EXOSC8: variants seen among roughly 807,000 people sequenced by gnomAD.
EXOSC8 encodes the protein exosome component 8.
In EXOSC8, 37 loss-of-function variants were observed where a neutral mutation model predicts 39.9. That is an observed-to-expected ratio of 0.93 (90% CI 0.71 to 1.22). The LOEUF is 1.22. Among genes scored for constraint, EXOSC8 ranks in the 50% most tolerant of loss-of-function variants. The pLI is 0.00. For missense variants in EXOSC8, 313 were observed against 326.6 expected (o/e 0.96, Z 0.32); for synonymous variants, 93 against 109.5 (o/e 0.85, Z 0.94).
intron 9 of EXOSC8, among the ~76,000 whole-genome samples, chr13:37,008,513 T>C (rs1222820649): frequency 6.6e-6 from 1 of 152,186 alleles, no homozygotes; most frequent in Admixed American, 6.5e-5. Context: ...CCCAGCACTT[T>C]GGGAGGCTGA....
chr13:37,002,567 C>A lies in EXOSC8; in HGVS notation c.118+16C>A. 6.5e-7 allele frequency: 1 copy of A among 1,533,184 alleles called. No homozygotes were observed. The highest frequency in any genetic ancestry group is 8.9e-7 in the Non-Finnish European group (1 of 1,125,088). 95.0% of individuals were successfully genotyped at this position (1,533,184 alleles called of 1,614,324 possible). Reference sequence around the variant, plus strand: ...GTCAACATCGGTAAGGATGTATTTTCCACTTTCAACTGTATGATATTCCCA... The same window carrying A: ...GTCAACATCGGTAAGGATGTATTTTACACTTTCAACTGTATGATATTCCCA... On this transcript the variant is annotated intron_variant, in intron 3 of 10. Coordinates refer to ENST00000389704, the MANE Select transcript of EXOSC8 (RefSeq NM_181503.3).
Position 37,009,379 on chromosome 13 carries a change from T to C in EXOSC8, c.*80T>C. On this transcript the variant is annotated 3_prime_UTR_variant, in exon 11 of 11. Transcript: ENST00000389704. ...GCACAAACGTTTTATACTAAATAAA[T>C]ATCAAACTACATTCTTCTGAAAGAT... The C allele has an allele frequency of 1.2e-6, 1 of 803,872 alleles. No individual in the cohort carries two copies. Among genetic ancestry groups the C allele is most frequent in the Non-Finnish European group, 2.0e-6 (1 of 491,582 alleles). 49.8% of individuals were successfully genotyped at this position (803,872 alleles called of 1,614,324 possible).
chr13:37,008,281 T>C, intron 9 of EXOSC8, 104 bp downstream of exon 9: 1 of 921,154 alleles, frequency 1.1e-6, no homozygotes, highest in African/African-American at 1.7e-5. Context: ...CCCTACATCC[T>C]AGTTTTCCCT....
At chr13:37,004,392 G>T (rs1191502535) in intron 4 of EXOSC8, 124 bp from the exon 5 acceptor site, 2 of 664,452 alleles carry the variant, frequency 3.0e-6, no homozygotes, top group Non-Finnish European at 5.3e-6. Flanking sequence ...ACCAATGTCC[G>T]TAGAGGCCCT....
intron 3 of EXOSC8, among the ~76,000 whole-genome samples, 153 bp from the exon 4 acceptor site, chr13:37,002,781 T>A (rs181023796): frequency 5.3e-5 from 8 of 152,334 alleles, no homozygotes; most frequent in African/African-American, 1.4e-4. Context: ...TATGTAAAAA[T>A]CAATTATTCT....
At chr13:37,001,037 AG>A (rs1326310913) in intron 1 of EXOSC8, among the ~76,000 whole-genome samples, 1 of 152,198 alleles carries the variant, frequency 6.6e-6, no homozygotes, top group African/African-American at 2.4e-5. Flanking sequence ...AGGACTCTGT[AG>A]AGTTCCATAC....
rs1384625065 is a variant in EXOSC8 at position 37,009,450 on chromosome 13, G to C, written c.*151G>C. On this transcript the variant is annotated 3_prime_UTR_variant, in exon 11 of 11. Transcript: ENST00000389704. ...CACTTCCATATATATTATGTATAGTGAAACCATTTTTAAAAAGCAATGACT... is the reference window on the plus strand; with the variant it reads ...CACTTCCATATATATTATGTATAGTCAAACCATTTTTAAAAAGCAATGACT... The C allele has an allele frequency of 1.4e-6, 1 of 738,856 alleles. No homozygotes were observed. Among genetic ancestry groups the C allele is most frequent in the Non-Finnish European group, 2.2e-6 (1 of 450,352 alleles). The allele number at this position is 738,856 out of a possible 1,614,324, so 45.8% of individuals were successfully genotyped here. A position where few individuals can be genotyped will look rare whatever the true frequency, so the allele number is the denominator to read the frequency against.
At chr13:37,004,156 G>A in intron 4 of EXOSC8, 1 of 168,408 alleles carries the variant, frequency 5.9e-6, no homozygotes, top group South Asian at 1.9e-4. Context: ...ACCGGTGTGA[G>A]CCACCGCGCC....
intron 5 of EXOSC8, among the ~76,000 whole-genome samples, chr13:37,005,621 A>G (rs1037313701): frequency 6.6e-6 from 1 of 152,048 alleles, no homozygotes; most frequent in Non-Finnish European, 1.5e-5. Context: ...TAACCTCAGC[A>G]CTTTGCGAGG....
At chr13:37,005,862 CAAAAAAA>C (rs59234766) in intron 5 of EXOSC8, 51 bp from the exon 6 acceptor site, 13 of 297,020 alleles carry the variant, frequency 4.4e-5, no homozygotes, top group East Asian at 1.6e-4. Context: ...GACTCCATCT[CAAAAAAA>C]AAAAAAAAAA....
chr13:37,009,588 TA>T lies in EXOSC8; in HGVS notation c.*297del, dbSNP rs750307293. On this transcript the variant is annotated 3_prime_UTR_variant, in exon 11 of 11. Transcript: ENST00000389704. ...CTAGCAATGTAAAATACTGACACAT[TA>T]AAAAAAACAAAAAGTAGAAACTCAA... The T allele has an allele frequency of 3.4e-5, 52 of 1,519,230 alleles. No individual in the cohort carries two copies. Among genetic ancestry groups the T allele is most frequent in the South Asian group, 5.7e-5 (5 of 87,772 alleles). 94.1% of individuals were successfully genotyped at this position (1,519,230 alleles called of 1,614,324 possible).
At chr13:37,007,849 AT>A (rs1358397666) in intron 8 of EXOSC8, among the ~76,000 whole-genome samples, 7 of 152,192 alleles carry the variant, frequency 4.6e-5, no homozygotes, top group African/African-American at 1.4e-4. Context: ...TTAAAAAAAA[AT>A]TATGCAATAA....
intron 9 of EXOSC8, 62 bp from the exon 10 acceptor site, chr13:37,008,667 T>G: frequency 2.0e-6 from 2 of 1,013,954 alleles, no homozygotes; most frequent in Non-Finnish European, 3.1e-6. Context: ...GATAGTATGT[T>G]TAGTATTTTA....
intron 1 of EXOSC8, 107 bp downstream of exon 1, chr13:37,000,929 C>T: frequency 2.3e-6 from 3 of 1,310,708 alleles, no homozygotes; most frequent in Non-Finnish European, 3.1e-6. Flanking sequence ...CGTTGGGGTG[C>T]CATTTCCTTC....
chr13:37,006,118 A>G lies in EXOSC8; in HGVS notation c.348A>G (p.Ser116=). The G allele has an allele frequency of 6.2e-7, 1 of 1,609,966 alleles. No individual in the cohort carries two copies. ...TGCTCTTTGTCATTAAATCAAGTTC[A>G]CAGATAATTCAGAAAGAGGACTTAT... ...SQFIADVIEN[S]QIIQKEDLCI... Residue 116 remains serine, a synonymous_variant, in exon 7 of 11, where the codon TCA becomes TCG. Coordinates refer to ENST00000389704, the MANE Select transcript of EXOSC8 (RefSeq NM_181503.3).
At chr13:37,000,918 C>A (rs1489846844) in intron 1 of EXOSC8, 96 bp downstream of exon 1, 1 of 1,368,998 alleles carries the variant, frequency 7.3e-7, no homozygotes, top group Admixed American at 3.2e-5. Context: ...GAGGCCGACC[C>A]CGTTGGGGTG....
rs145159252 is a variant in EXOSC8 at position 37,007,293 on chromosome 13, T to C, written c.487+222T>C. Among the ~76,000 whole-genome samples, 367 of 152,332 alleles carry C rather than the reference T, an allele frequency of 2.4e-3. 3 individuals are homozygous for C. The highest frequency in any genetic ancestry group is 8.2e-3 in the African/African-American group (339 of 41,588). On this transcript the variant is annotated intron_variant, in intron 8 of 10. Transcript: ENST00000389704. ...TACTTAAGTTAGGACTTCAGTCCTT[T>C]CCAAAATAGTGTTAATATTGGTGGG...
intron 4 of EXOSC8, 161 bp from the exon 5 acceptor site, chr13:37,004,355 T>C (rs556177630): frequency 1.8e-4 from 105 of 592,094 alleles, no homozygotes; most frequent in Admixed American, 6.0e-4. Flanking sequence ...TGCCTTCTTA[T>C]CTTGTAGAGC....
At chr13:37,003,272 A>T (rs1349761944) in intron 4 of EXOSC8, 14 of 382,648 alleles carry the variant, frequency 3.7e-5, no homozygotes, top group Non-Finnish European at 6.6e-5. Context: ...CATTTGAGAC[A>T]TTAACAGATT....
Sources: allele counts gnomAD v4.1 joint callset (sites outside exome capture counted in the v4.1 genomes callset), GRCh38; gene constraint gnomAD v4.1.1; transcripts MANE v1.5; gene names NCBI Gene and HGNC (gene_info 2026-07-23, HGNC 2026-07-21).